The following HS6ST3 variants were observed in gnomAD, a reference collection of about 807,000 sequenced individuals.
HS6ST3 encodes the protein heparan-sulfate 6-O-sulfotransferase 3.
In HS6ST3, 12 loss-of-function variants were observed where a neutral mutation model predicts 36.7. The observed-to-expected ratio is 0.33, with a 90% confidence interval of 0.21 to 0.53. The LOEUF is 0.53. Ranked by LOEUF, HS6ST3 falls within the 20% of genes least tolerant of loss-of-function variation. HS6ST3 has a pLI of 0.95. For missense variants in HS6ST3, 584 were observed against 640.9 expected (o/e 0.91, Z 0.96); for synonymous variants, 240 against 257.5 (o/e 0.93, Z 0.65).
chr13:96,279,476 C>A (rs1238666243), intron 1 of HS6ST3, among the ~76,000 whole-genome samples: 1 of 152,092 alleles, frequency 6.6e-6, no homozygotes, highest in African/African-American at 2.4e-5. Context: ...TACGAAGGAG[C>A]AAGTTTCAGA....
rs142403500 is a variant in HS6ST3 at position 96,205,738 on chromosome 13, C to T, written c.707+114169C>T. On this transcript the variant is annotated intron_variant, in intron 1 of 1. Coordinates refer to ENST00000376705, the MANE Select transcript of HS6ST3 (RefSeq NM_153456.4). ...TAAAGACAAAAACCACATGATTATC[C>T]CAATAGATTTGATAAAATTCAACAT... Among the ~76,000 whole-genome samples the T allele has an allele frequency of 4.8e-4, 72 of 150,992 alleles. 2 individuals carry two copies. The East Asian group carries it at 0.013, about 27-fold the overall frequency.
chr13:96,164,064 G>A lies in HS6ST3; in HGVS notation c.707+72495G>A, dbSNP rs569163511. Among the ~76,000 whole-genome samples, 16 of 152,272 alleles carry A rather than the reference G, an allele frequency of 1.1e-4. No homozygotes were observed. The South Asian group carries it at 3.3e-3, about 32-fold the overall frequency. On this transcript the variant is annotated intron_variant, in intron 1 of 1. Coordinates refer to ENST00000376705, the MANE Select transcript of HS6ST3 (RefSeq NM_153456.4). The stretch of plus-strand genomic sequence containing the variant: ...TTCAGGGACTGTGGCTATCATTGCA[G>A]TGAGGCCTTGTTCCCTATCTTGGGG...
chr13:96,683,959 C>A (rs947376837), intron 1 of HS6ST3, among the ~76,000 whole-genome samples: 1 of 151,968 alleles, frequency 6.6e-6, no homozygotes, highest in South Asian at 2.1e-4. Flanking sequence ...TTGAAATGAT[C>A]TTTGTATATG....
intron 1 of HS6ST3, among the ~76,000 whole-genome samples, chr13:96,317,408 A>C (rs2054981258): frequency 6.9e-6 from 1 of 144,168 alleles, no homozygotes; most frequent in African/African-American, 2.5e-5. Context: ...TGGAATATAT[A>C]TATATATATA....
intron 1 of HS6ST3, among the ~76,000 whole-genome samples, chr13:96,831,954 C>CAAAAAAAAAAAAAAAAAAAAAAAA (rs35266831): frequency 9.2e-5 from 2 of 21,856 alleles, no homozygotes; most frequent in African/African-American, 1.8e-4. Context: ...GACTCCCTCT[C>CAAAAAAAAAAAAAAAAAAAAAAAA]AAAAAAAAAA....
intron 1 of HS6ST3, among the ~76,000 whole-genome samples, chr13:96,771,463 A>T (rs1349740014): frequency 6.6e-6 from 1 of 152,166 alleles, no homozygotes; most frequent in Admixed American, 6.6e-5. Flanking sequence ...ATACAGGGAA[A>T]CCAGATAAGC....
chr13:96,739,150 T>C (rs1337692639), intron 1 of HS6ST3, among the ~76,000 whole-genome samples: 1 of 151,854 alleles, frequency 6.6e-6, no homozygotes, highest in Non-Finnish European at 1.5e-5. Context: ...CTATCCCTTT[T>C]ACTACCAAGT....
At chr13:96,658,022 G>T (rs1350749347) in intron 1 of HS6ST3, among the ~76,000 whole-genome samples, 1 of 152,068 alleles carries the variant, frequency 6.6e-6, no homozygotes, top group South Asian at 2.1e-4. Context: ...AAGTTCTGTT[G>T]TACCTCTTCC....
intron 1 of HS6ST3, among the ~76,000 whole-genome samples, chr13:96,693,365 C>G (rs1015728753): frequency 6.6e-6 from 1 of 152,084 alleles, no homozygotes; most frequent in Non-Finnish European, 1.5e-5. Context: ...AGTGCAATGG[C>G]GCAACCTTGG....
chr13:96,631,542 T>C (rs1046435960), intron 1 of HS6ST3, among the ~76,000 whole-genome samples: 3 of 152,218 alleles, frequency 2.0e-5, no homozygotes, highest in Admixed American at 6.5e-5. Flanking sequence ...TAAATCCTTA[T>C]GACCAGTTAT....
intron 1 of HS6ST3, among the ~76,000 whole-genome samples, chr13:96,779,449 G>T (rs1212069264): frequency 6.6e-6 from 1 of 152,014 alleles, no homozygotes; most frequent in East Asian, 1.9e-4. Flanking sequence ...AACTATATGA[G>T]AGCTACATTT....
intron 1 of HS6ST3, among the ~76,000 whole-genome samples, chr13:96,404,665 A>G (rs2055468138): frequency 1.3e-5 from 2 of 152,250 alleles, no homozygotes; most frequent in Non-Finnish European, 2.9e-5. Context: ...AGTTGGCAAA[A>G]GGCCAATACC....
intron 1 of HS6ST3, among the ~76,000 whole-genome samples, chr13:96,116,539 A>C (rs1420075082): frequency 1.3e-5 from 2 of 151,828 alleles, no homozygotes. Flanking sequence ...TCCCATCCCC[A>C]CTCCATTCCC....
intron 1 of HS6ST3, among the ~76,000 whole-genome samples, chr13:96,330,048 CATCCTT>C (rs1292379228): frequency 6.7e-6 from 1 of 148,976 alleles, no homozygotes; most frequent in Non-Finnish European, 1.5e-5. Context: ...GATCTTCCAC[CATCCTT>C]TTATTTTGAG....
At chr13:96,695,240 A>G (rs553375446) in intron 1 of HS6ST3, among the ~76,000 whole-genome samples, 2 of 152,286 alleles carry the variant, frequency 1.3e-5, no homozygotes, top group African/African-American at 4.8e-5. Context: ...CTCTAAATCA[A>G]TCATCCCACT....
At chr13:96,283,590 T>A (rs572091347) in intron 1 of HS6ST3, among the ~76,000 whole-genome samples, 1 of 152,172 alleles carries the variant, frequency 6.6e-6, no homozygotes, top group African/African-American at 2.4e-5. Context: ...TTTTAATATA[T>A]AGTTTTGTCA....
At chr13:96,341,688 C>T (rs1057075625) in intron 1 of HS6ST3, among the ~76,000 whole-genome samples, 3 of 152,000 alleles carry the variant, frequency 2.0e-5, no homozygotes, top group Non-Finnish European at 4.4e-5. Flanking sequence ...AAATGGAGAT[C>T]GATGGGCTCT....
At chr13:96,454,126 G>T (rs139303311) in intron 1 of HS6ST3, among the ~76,000 whole-genome samples, 1 of 152,088 alleles carries the variant, frequency 6.6e-6, no homozygotes, top group African/African-American at 2.4e-5. Flanking sequence ...TATTGGCTTT[G>T]TGGGCAGTAG....
At chr13:96,110,480 A>G (rs1160041211) in intron 1 of HS6ST3, among the ~76,000 whole-genome samples, 8 of 145,768 alleles carry the variant, frequency 5.5e-5, no homozygotes, top group Non-Finnish European at 9.0e-5. Context: ...TCTGTCGCCC[A>G]GGCTGGAGTG....
Sources: gnomAD v4.1 joint callset for allele counts (sites outside exome capture counted in the v4.1 genomes callset) on GRCh38, gnomAD v4.1.1 for gene constraint, MANE v1.5 for transcripts, NCBI Gene and HGNC (gene_info 2026-07-23, HGNC 2026-07-21) for gene names.